Variants in RPGR observed in about 807,000 individuals in gnomAD.
RPGR encodes retinitis pigmentosa GTPase regulator, also known as X-linked retinitis pigmentosa GTPase regulator.
RPGR carries 10 observed loss-of-function variants against 56.3 expected under a neutral mutation model. The ratio of observed to expected loss-of-function variants is 0.18; its 90% confidence interval spans 0.11 to 0.30. The LOEUF (loss-of-function observed/expected upper bound fraction) is 0.30. Ranked by LOEUF, RPGR falls within the 10% of genes least tolerant of loss-of-function variation. The pLI, the probability that RPGR is intolerant of heterozygous loss-of-function variation, is 1.00. For synonymous variants in RPGR, 197 were observed against 212.9 expected, an observed-to-expected ratio of 0.93 and a Z score of 0.65; for missense variants, 538 against 590.9, an observed-to-expected ratio of 0.91 and a Z score of 0.93.
intron 18 of RPGR, chrX:38,269,968 G>A (rs2066807390): frequency 4.1e-6 from 2 of 485,441 alleles, no homozygotes; most frequent in Non-Finnish European, 7.0e-6. Flanking sequence ...ATGTACTATG[G>A]TGCATTCTTA....
chrX:38,299,196 G>A, intron 9 of RPGR, 55 bp from the exon 10 acceptor site: 1 of 1,110,207 alleles, frequency 9.0e-7, no homozygotes, highest in Non-Finnish European at 1.2e-6. Flanking sequence ...ACACAAATGA[G>A]TTTTTAACAG....
chrX:38,320,907 A>G (rs764479842), intron 4 of RPGR, 120 bp downstream of exon 4: 9 of 571,825 alleles, frequency 1.6e-5, no homozygotes, highest in African/African-American at 1.4e-4. Context: ...GACATTTTAA[A>G]AAACCCTAAT....
chrX:38,301,517 C>G, intron 8 of RPGR, 146 bp from the exon 9 acceptor site: 2 of 500,198 alleles, frequency 4.0e-6, no homozygotes, highest in South Asian at 6.2e-5. Context: ...TCTTTCCACA[C>G]TCTCTATGGT....
At chrX:38,305,060 A>C (rs914925930) in intron 7 of RPGR, among the ~76,000 whole-genome samples, 4 of 112,102 alleles carry the variant, frequency 3.6e-5, no homozygotes, top group Admixed American at 9.5e-5. Context: ...AACAGGTATG[A>C]TACAAGGCAC....
In RPGR at chrX:38,303,785, G is replaced by C. The variant is rs2067545833; in HGVS notation, c.934+850C>G. The C allele has an allele frequency of 1.0e-5, 3 of 296,890 alleles. No homozygotes were observed. In the East Asian group the frequency reaches 1.4e-4, roughly 14 times the overall value. 24.5% of individuals were successfully genotyped at this position (296,890 alleles called of 1,213,427 possible). A position where few individuals can be genotyped will look rare whatever the true frequency, so the allele number is the denominator to read the frequency against. On this transcript the variant is annotated intron_variant, in intron 8 of 18. Transcript: ENST00000642395. ...GCCAGATACCATTAGATGAGCAGTA[G>C]TTTTTTCAGGAGCTTTTTCATAGCA...
chrX:38,308,353 G>T (rs1319977139), intron 7 of RPGR: 1 of 112,164 alleles, frequency 8.9e-6, no homozygotes, highest in African/African-American at 3.2e-5. Context: ...AAAGTCCACA[G>T]AAAGTTAAAT....
At chrX:38,303,177 G>GAAAATAT (rs1030772465) in intron 8 of RPGR, among the ~76,000 whole-genome samples, 1 of 111,000 alleles carries the variant, frequency 9.0e-6, no homozygotes, top group Admixed American at 9.7e-5. Context: ...TCTTTTGCCT[G>GAAAATAT]AAAATATAAA....
intron 7 of RPGR, among the ~76,000 whole-genome samples, chrX:38,306,884 C>T (rs909065128): frequency 2.7e-5 from 3 of 112,206 alleles, no homozygotes; most frequent in East Asian, 5.6e-4. Flanking sequence ...TGATTGAAGG[C>T]GCTCTTATTT....
chrX:38,282,001 T>C (rs1326145037), intron 15 of RPGR, among the ~76,000 whole-genome samples: 1 of 112,143 alleles, frequency 8.9e-6, no homozygotes, highest in Non-Finnish European at 1.9e-5. Context: ...TTCTTATGTA[T>C]ATATTAATTA....
intron 7 of RPGR, among the ~76,000 whole-genome samples, chrX:38,310,341 T>C (rs761953059): frequency 4.5e-4 from 50 of 110,946 alleles, no homozygotes; most frequent in African/African-American, 1.5e-3. Context: ...AATAAAATGG[T>C]GGTCGCCAGG....
intron 15 of RPGR, chrX:38,285,861 C>T: frequency 8.3e-7 from 1 of 1,202,840 alleles, no homozygotes; most frequent in South Asian, 1.8e-5. Context: ...CCTCCTTTTC[C>T]CTTTCTTCTC....
At position 38,291,375 on chromosome X, in the gene RPGR, T is replaced by C. The variant is rs752624202; in HGVS notation, c.1506+18A>G. Reference sequence around the variant, plus strand: ...AAATTCAAACTCATATTTAGATAAATAGATAGGAAATCATTACCATGTTTA... The same window carrying C: ...AAATTCAAACTCATATTTAGATAAACAGATAGGAAATCATTACCATGTTTA... On this transcript the variant is annotated intron_variant, in intron 12 of 18. Transcript: ENST00000642395. 8.1e-6 allele frequency: 8 copies of C among 990,027 alleles called. No individual in the cohort carries two copies. The East Asian group carries it at 2.2e-4, about 27-fold the overall frequency. The allele number at this position is 990,027 out of a possible 1,213,427, so 81.6% of individuals were successfully genotyped here.
In RPGR at chrX:38,275,404, C is replaced by T. The variant is rs761615510; in HGVS notation, c.2092-258G>A. 3.6e-5 allele frequency among the ~76,000 whole-genome samples: 4 copies of T among 111,623 alleles called. No homozygotes were observed. The South Asian group carries it at 1.5e-3, about 42-fold the overall frequency. On this transcript the variant is annotated intron_variant, in intron 16 of 18. Transcript: ENST00000642395. Reference sequence around the variant, plus strand: ...ATTCTCCTCAAAGAAGATTCATGAACGCTAATTGGCATACAACTTGTCTCA... The same window carrying T: ...ATTCTCCTCAAAGAAGATTCATGAATGCTAATTGGCATACAACTTGTCTCA...
At chrX:38,287,376 A>C in intron 14 of RPGR, 131 bp from the exon 15 acceptor site, 1 of 1,007,154 alleles carries the variant, frequency 9.9e-7, no homozygotes, top group East Asian at 3.0e-5. Context: ...CCACTTCATC[A>C]TCCTCTTTCT....
At chrX:38,297,169 C>T (rs2067399229) in intron 11 of RPGR, 115 bp downstream of exon 11, 4 of 804,840 alleles carry the variant, frequency 5.0e-6, no homozygotes, top group Middle Eastern at 7.0e-4. Flanking sequence ...ATGTTAGGCT[C>T]TAACCAGGGA....
At chrX:38,313,563 C>T (rs1311049984) in intron 6 of RPGR, among the ~76,000 whole-genome samples, 1 of 112,265 alleles carries the variant, frequency 8.9e-6, no homozygotes, top group East Asian at 2.8e-4. Flanking sequence ...TCCTCCTCTT[C>T]CTCTTGTATA....
chrX:38,292,935 G>A (rs2067313088), intron 11 of RPGR, among the ~76,000 whole-genome samples: 1 of 111,778 alleles, frequency 8.9e-6, no homozygotes, highest in Admixed American at 9.5e-5. Context: ...CAAATGAGTA[G>A]AGGAAAGAAG....
intron 13 of RPGR, among the ~76,000 whole-genome samples, chrX:38,289,591 G>A (rs1475010430): frequency 8.9e-6 from 1 of 112,169 alleles, no homozygotes; most frequent in Non-Finnish European, 1.9e-5. Context: ...CCTAGGAAGA[G>A]GTTCCTATTG....
intron 18 of RPGR, among the ~76,000 whole-genome samples, chrX:38,270,458 CA>C (rs771458538): frequency 7.2e-4 from 55 of 76,480 alleles, no homozygotes; most frequent in Non-Finnish European, 6.4e-4. Flanking sequence ...ACTACAAATA[CA>C]AAAAAAAAAA....
Sources: allele counts gnomAD v4.1 joint callset (sites outside exome capture counted in the v4.1 genomes callset), GRCh38; gene constraint gnomAD v4.1.1; transcripts MANE v1.5; gene names NCBI Gene and HGNC (gene_info 2026-07-23, HGNC 2026-07-21).